Variants in FBXO42 observed in about 807,000 individuals in gnomAD.
FBXO42 encodes F-box protein 42.
In FBXO42, 12 loss-of-function variants were observed where a neutral mutation model predicts 71.7. The observed-to-expected ratio is 0.17, with a 90% CI of 0.11 to 0.27. FBXO42 has a LOEUF of 0.27. Among genes scored for constraint, FBXO42 ranks in the 10% least tolerant of loss-of-function variants. FBXO42 has a pLI of 1.00. For missense variants in FBXO42, 707 were observed against 911.9 expected, an observed-to-expected ratio of 0.78 and a Z score of 2.89; for synonymous variants, 325 against 327.5, an observed-to-expected ratio of 0.99 and a Z score of 0.08.
At chr1:16,270,121 G>A (rs998874824) in intron 4 of FBXO42, among the ~76,000 whole-genome samples, 2 of 152,176 alleles carry the variant, frequency 1.3e-5, no homozygotes, top group East Asian at 1.9e-4. Flanking sequence ...CTCCCAAGGT[G>A]CTGGGATTAC....
At chr1:16,263,727 G>GAA (rs1235998662) in intron 4 of FBXO42, among the ~76,000 whole-genome samples, 2 of 99,840 alleles carry the variant, frequency 2.0e-5, no homozygotes, top group African/African-American at 6.1e-5. Flanking sequence ...CCGTCTCAAG[G>GAA]AAAAAAACAA....
At chr1:16,260,953 C>T (rs1479722042) in intron 4 of FBXO42, among the ~76,000 whole-genome samples, 1 of 152,148 alleles carries the variant, frequency 6.6e-6, no homozygotes, top group Non-Finnish European at 1.5e-5. Flanking sequence ...ATTCTCCCAC[C>T]TCTGCCACCT....
chr1:16,349,212 T>C (rs771235040), intron 1 of FBXO42, among the ~76,000 whole-genome samples: 83 of 152,260 alleles, frequency 5.5e-4, no homozygotes, highest in Non-Finnish European at 1.0e-3. Flanking sequence ...TGCAGAATAA[T>C]AGGAAAGGTT....
Position 16,249,790 on chromosome 1 carries a change from AAAAAG to A in FBXO42, c.*875_*879del, listed in dbSNP as rs1175830085. 3.5e-4 allele frequency: 53 copies of A among 152,282 alleles called. No individual in the cohort carries two copies. Among genetic ancestry groups the A allele is most frequent in the African/African-American group, 1.2e-3 (51 of 41,570 alleles). The allele number at this position is 152,282 out of a possible 1,614,324, so 9.4% of individuals were successfully genotyped here. A position where few individuals can be genotyped will look rare whatever the true frequency, so the allele number is the denominator to read the frequency against. On this transcript the variant is annotated 3_prime_UTR_variant, in exon 10 of 10. Coordinates refer to ENST00000375592, the MANE Select transcript of FBXO42 (RefSeq NM_018994.3). The stretch of plus-strand genomic sequence containing the variant: ...AGGACTTCACCACATATGAAAAAAA[AAAAAG>A]AAAAGAAAAAAGGTAGAAGAAAAAA...
chr1:16,269,044 C>T (rs1403082913), intron 4 of FBXO42, among the ~76,000 whole-genome samples: 2 of 148,450 alleles, frequency 1.3e-5, no homozygotes, highest in Admixed American at 1.3e-4. Flanking sequence ...CTCCTGACCT[C>T]GTGATCCACC....
chr1:16,323,654 G>A (rs1450877260), intron 1 of FBXO42, among the ~76,000 whole-genome samples: 1 of 151,786 alleles, frequency 6.6e-6, no homozygotes, highest in African/African-American at 2.4e-5. Flanking sequence ...GCCAGGCGTG[G>A]TGGTGTGCAC....
chr1:16,324,823 CA>C (rs1258431958), intron 1 of FBXO42, among the ~76,000 whole-genome samples: 1 of 151,638 alleles, frequency 6.6e-6, no homozygotes, highest in Non-Finnish European at 1.5e-5. Context: ...TTCAAAAAAT[CA>C]AAAAACAACA....
At chr1:16,309,395 A>G (rs936903567) in intron 2 of FBXO42, among the ~76,000 whole-genome samples, 3 of 152,072 alleles carry the variant, frequency 2.0e-5, no homozygotes, top group Admixed American at 2.0e-4. Context: ...CTCTTAAAGA[A>G]AAAAACCTTT....
chr1:16,250,977 G>A lies in FBXO42; in HGVS notation c.1847C>T (p.Pro616Leu), dbSNP rs2081585338. The A allele has an allele frequency of 1.2e-6, 2 of 1,614,210 alleles. No homozygotes were observed. The highest frequency in any genetic ancestry group is 1.7e-6 in the Non-Finnish European group (2 of 1,180,030). The stretch of plus-strand genomic sequence containing the variant: ...GTGGTGGCCCAGGCGGCGAGCAATG[G>A]GAGGTAAGGAATGTCCATCTCCTTG... ...PAQGDGHSLP[P>L]IARRLGHHPP... Residue 616 changes from proline (P) to leucine (L), a missense_variant, in exon 10 of 10, where the codon CCC (proline) becomes CTC (leucine). Pro to Leu is a moderately conservative substitution (Grantham distance 98). Around this residue, in one of 5 missense-constraint regions of FBXO42, gnomAD observed 482 missense variants for 587.1 expected, o/e 0.82. Transcript: ENST00000375592. This position sits in a 1 kb window ranked among gnomAD's most constrained non-coding sequence, Gnocchi z 4.7.
intron 1 of FBXO42, among the ~76,000 whole-genome samples, chr1:16,336,426 T>C (rs1207833988): frequency 6.6e-6 from 1 of 151,724 alleles, no homozygotes; most frequent in Non-Finnish European, 1.5e-5. Flanking sequence ...TGGCGTGATC[T>C]TGGCTCATTG....
chr1:16,328,325 A>G (rs931877675), intron 1 of FBXO42, among the ~76,000 whole-genome samples: 1 of 152,222 alleles, frequency 6.6e-6, no homozygotes, highest in African/African-American at 2.4e-5. Context: ...ATAAAACTAA[A>G]GGCAAAAGAA....
At chr1:16,266,232 A>T (rs2081771505) in intron 4 of FBXO42, among the ~76,000 whole-genome samples, 1 of 145,686 alleles carries the variant, frequency 6.9e-6, no homozygotes, top group African/African-American at 2.8e-5. Context: ...TAGAGTAAAC[A>T]TGTGTTAGGA....
intron 1 of FBXO42, among the ~76,000 whole-genome samples, chr1:16,334,462 AC>A (rs1277664961): frequency 1.3e-5 from 2 of 151,680 alleles, no homozygotes; most frequent in East Asian, 3.9e-4. Flanking sequence ...TACAGATAAG[AC>A]TAATGACCTG....
chr1:16,264,682 A>C (rs2081752240), intron 4 of FBXO42, among the ~76,000 whole-genome samples: 1 of 152,198 alleles, frequency 6.6e-6, no homozygotes, highest in Non-Finnish European at 1.5e-5. Flanking sequence ...AGGCCTCCTA[A>C]ATCGCACAGC....
chr1:16,255,841 G>A lies in FBXO42; in HGVS notation c.657-20C>T. On this transcript the variant is annotated intron_variant, in intron 5 of 9. Transcript: ENST00000375592. ...TTCCACCTAATGTAAAAAGACAGGA[G>A]GAAGTCAAGAAGTCAGCACCACACA... The A allele has an allele frequency of 1.9e-6, 3 of 1,588,076 alleles. No homozygotes were observed. Among genetic ancestry groups the A allele is most frequent in the Non-Finnish European group, 2.6e-6 (3 of 1,161,798 alleles).
intron 4 of FBXO42, among the ~76,000 whole-genome samples, chr1:16,267,932 T>C (rs1429643021): frequency 1.3e-5 from 2 of 152,216 alleles, no homozygotes; most frequent in African/African-American, 4.8e-5. Flanking sequence ...TGTTTTCACT[T>C]CTTAACAAAA....
intron 1 of FBXO42, among the ~76,000 whole-genome samples, chr1:16,327,976 C>T (rs1001181648): frequency 2.0e-5 from 3 of 152,154 alleles, no homozygotes; most frequent in African/African-American, 7.2e-5. Flanking sequence ...GCTGGGATTA[C>T]GTGTGTGACC....
At position 16,251,658 on chromosome 1, in the gene FBXO42, T is replaced by A; in HGVS notation, c.1166A>T (p.Tyr389Phe). 1 of 1,614,190 alleles carries A rather than the reference T, an allele frequency of 6.2e-7. No individual in the cohort carries two copies. The highest frequency in any genetic ancestry group is 1.1e-5 in the South Asian group (1 of 91,082). Residue 389 changes from tyrosine to phenylalanine, a missense_variant, in exon 10 of 10, where the codon TAC becomes TTC. By Grantham distance (22) the Tyr-to-Phe change is conservative. Transcript: ENST00000375592. The surrounding 1 kb of genome is among the most constrained non-coding windows in gnomAD (Gnocchi z 4.5). ...GCTTCTTACTGGAGACTGAGAGCGG[T>A]ACTCTCGGGTTTCAGGAACGAGAGC... ...PPALVPETRE[Y>F]RSQSPVRSMD...
chr1:16,324,992 C>G (rs1428728100), intron 1 of FBXO42, among the ~76,000 whole-genome samples: 1 of 152,012 alleles, frequency 6.6e-6, no homozygotes, highest in African/African-American at 2.4e-5. Flanking sequence ...AAACCCAACA[C>G]TTTGAGAGGC....
Sources: allele counts gnomAD v4.1 joint callset (sites outside exome capture counted in the v4.1 genomes callset), GRCh38; gene constraint gnomAD v4.1.1; regional missense constraint gnomAD v4.1.1; non-coding constraint Gnocchi (gnomAD v3.1); transcripts MANE v1.5; gene names NCBI Gene and HGNC (gene_info 2026-07-23, HGNC 2026-07-21).